The following SORCS2 variants were observed in gnomAD, a reference collection of about 807,000 sequenced individuals.
The protein encoded by SORCS2 is VPS10 domain-containing receptor SorCS2.
SORCS2 carries 100 observed loss-of-function variants against 141.6 expected under a neutral mutation model. The observed-to-expected ratio is 0.71, with a 90% confidence interval of 0.60 to 0.83. The LOEUF is 0.83. Ranked by LOEUF, SORCS2 falls within the 40% of genes least tolerant of loss-of-function variation. SORCS2 has a pLI of 0.00. For missense variants in SORCS2, 1,646 were observed against 1,560.2 expected, an observed-to-expected ratio of 1.05 and a Z score of -0.93; for synonymous variants, 789 against 676.9, an observed-to-expected ratio of 1.17 and a Z score of -2.57.
At chr4:7,653,547 A>G (rs62290673) in intron 4 of SORCS2, among the ~76,000 whole-genome samples, 5,732 of 152,284 alleles carry the variant, frequency 0.038, 131 homozygotes, top group African/African-American at 0.063. Context: ...CTGGCCCTAA[A>G]GACACAATTA....
chr4:7,479,922 G>A (rs1467454188), intron 2 of SORCS2, among the ~76,000 whole-genome samples: 2 of 152,256 alleles, frequency 1.3e-5, no homozygotes, highest in African/African-American at 2.4e-5. Context: ...AGGCAGCCCT[G>A]TCCTCCGGGC....
At chr4:7,369,077 C>T (rs778554224) in intron 1 of SORCS2, among the ~76,000 whole-genome samples, 4 of 152,014 alleles carry the variant, frequency 2.6e-5, no homozygotes, top group Non-Finnish European at 5.9e-5. Flanking sequence ...GAGGTCAAGG[C>T]GGGTGGATCA....
intron 1 of SORCS2, among the ~76,000 whole-genome samples, chr4:7,277,650 A>ACC (rs922520456): frequency 7.7e-6 from 1 of 130,646 alleles, no homozygotes; most frequent in Non-Finnish European, 1.7e-5. Flanking sequence ...TGCTCGGAAC[A>ACC]CCACTCCCTC....
At chr4:7,411,621 C>T (rs906041254) in intron 2 of SORCS2, among the ~76,000 whole-genome samples, 2 of 152,166 alleles carry the variant, frequency 1.3e-5, no homozygotes, top group Non-Finnish European at 2.9e-5. Flanking sequence ...TCCACCCCTC[C>T]ATCCACCTAC....
chr4:7,216,277 T>G (rs1474273492), intron 1 of SORCS2, among the ~76,000 whole-genome samples: 1 of 152,092 alleles, frequency 6.6e-6, no homozygotes, highest in Non-Finnish European at 1.5e-5. Context: ...GGGCTTGCCT[T>G]GTATGTGGGA....
At chr4:7,710,323 C>T (rs980396013) in intron 14 of SORCS2, among the ~76,000 whole-genome samples, 11 of 152,158 alleles carry the variant, frequency 7.2e-5, no homozygotes, top group Non-Finnish European at 1.5e-4. Context: ...GCCTCAGTTT[C>T]CTTGTCTGTA....
intron 1 of SORCS2, among the ~76,000 whole-genome samples, chr4:7,303,675 G>A (rs964429917): frequency 6.6e-6 from 1 of 152,258 alleles, no homozygotes; most frequent in Non-Finnish European, 1.5e-5. Context: ...GAGTTGGCGA[G>A]CTGCCCACCA....
chr4:7,704,758 G>T (rs1161366647), intron 14 of SORCS2, among the ~76,000 whole-genome samples: 1 of 152,220 alleles, frequency 6.6e-6, no homozygotes, highest in East Asian at 1.9e-4. Context: ...GAGCAGAGAC[G>T]CTTAGGACAG....
At chr4:7,244,647 C>T (rs1712955648) in intron 1 of SORCS2, among the ~76,000 whole-genome samples, 1 of 152,232 alleles carries the variant, frequency 6.6e-6, no homozygotes, top group Non-Finnish European at 1.5e-5. Flanking sequence ...CCTGGGAAGA[C>T]TGAAGGCCCA....
chr4:7,646,910 G>C (rs2108883555), intron 4 of SORCS2, among the ~76,000 whole-genome samples: 1 of 152,294 alleles, frequency 6.6e-6, no homozygotes, highest in African/African-American at 2.4e-5. Context: ...CGCGTTTTGG[G>C]ATCAGGGTGC....
chr4:7,224,993 C>G (rs1056295505), intron 1 of SORCS2, among the ~76,000 whole-genome samples: 19 of 152,302 alleles, frequency 1.2e-4, no homozygotes, highest in Middle Eastern at 3.4e-3. Flanking sequence ...AATGTATGTT[C>G]CATAAAATGC....
chr4:7,220,971 T>C (rs557631871), intron 1 of SORCS2, among the ~76,000 whole-genome samples: 1 of 152,212 alleles, frequency 6.6e-6, no homozygotes, highest in African/African-American at 2.4e-5. Flanking sequence ...AATGCCCCAG[T>C]GGTTTGTCAG....
chr4:7,497,459 C>G (rs1378186855), intron 2 of SORCS2, among the ~76,000 whole-genome samples: 1 of 152,208 alleles, frequency 6.6e-6, no homozygotes, highest in African/African-American at 2.4e-5. Flanking sequence ...TTACCCCCTC[C>G]TCCTAGGAGC....
intron 1 of SORCS2, among the ~76,000 whole-genome samples, chr4:7,368,036 T>C (rs1722009551): frequency 6.6e-6 from 1 of 152,192 alleles, no homozygotes; most frequent in Admixed American, 6.5e-5. Flanking sequence ...TGGAGCACTG[T>C]TTAAATACCA....
intron 1 of SORCS2, among the ~76,000 whole-genome samples, chr4:7,381,427 G>A (rs980137270): frequency 3.9e-5 from 6 of 152,322 alleles, no homozygotes; most frequent in Admixed American, 1.3e-4. Flanking sequence ...AGCCTTCCCC[G>A]AAGCTGACAT....
intron 2 of SORCS2, among the ~76,000 whole-genome samples, chr4:7,411,155 C>T (rs796285003): frequency 1.1e-4 from 17 of 151,936 alleles, no homozygotes; most frequent in African/African-American, 3.9e-4. Flanking sequence ...AGGGTTTCAC[C>T]ATGTTGGCCA....
At chr4:7,254,968 G>A (rs746194388) in intron 1 of SORCS2, among the ~76,000 whole-genome samples, 2 of 152,130 alleles carry the variant, frequency 1.3e-5, no homozygotes, top group African/African-American at 4.8e-5. Context: ...CATGGGCAAC[G>A]GGGAGAGCAT....
Position 7,300,760 on chromosome 4 carries a change from G to A in SORCS2, c.481-95528G>A, listed in dbSNP as rs147554876. Among the ~76,000 whole-genome samples, 715 of 152,296 alleles carry A rather than the reference G, an allele frequency of 4.7e-3. 1 individual carries two copies. The highest frequency in any genetic ancestry group is 6.5e-3 in the Non-Finnish European group (444 of 68,016). Reference sequence around the variant, plus strand: ...GCTACCCTCCCGTGACCCTGGTCCCGCTGGCCTTCCTCATCTCCAGGCCTT... The same window carrying A: ...GCTACCCTCCCGTGACCCTGGTCCCACTGGCCTTCCTCATCTCCAGGCCTT... On this transcript the variant is annotated intron_variant, in intron 1 of 26. Transcript: ENST00000507866.
chr4:7,400,490 T>C (rs1247389832), intron 2 of SORCS2, among the ~76,000 whole-genome samples: 2 of 143,952 alleles, frequency 1.4e-5, no homozygotes, highest in Non-Finnish European at 3.0e-5. Context: ...CCACCACCAC[T>C]AGAACATAGG....
Sources: gnomAD v4.1 joint callset for allele counts (sites outside exome capture counted in the v4.1 genomes callset) on GRCh38, gnomAD v4.1.1 for gene constraint, MANE v1.5 for transcripts, NCBI Gene and HGNC (gene_info 2026-07-23, HGNC 2026-07-21) for gene names.